Variants in ESRRG observed in about 807,000 individuals in gnomAD.
The protein encoded by ESRRG is estrogen related receptor gamma, also known as estrogen-related receptor gamma.
A neutral mutation model predicts 44.0 loss-of-function variants in ESRRG; 13 were observed. The ratio of observed to expected loss-of-function variants is 0.30; its 90% CI spans 0.19 to 0.47. The LOEUF is 0.47. Among genes scored for constraint, ESRRG ranks in the 20% least tolerant of loss-of-function variants. The pLI is 1.00. For missense variants in ESRRG, 395 were observed against 580.6 expected, an observed-to-expected ratio of 0.68 and a Z score of 3.29; for synonymous variants, 215 against 214.6, an observed-to-expected ratio of 1.00 and a Z score of -0.02.
intron 1 of ESRRG, among the ~76,000 whole-genome samples, chr1:216,696,929 G>C (rs1221075133): frequency 2.0e-5 from 3 of 151,572 alleles, no homozygotes; most frequent in South Asian, 2.1e-4. Context: ...AAAGCATTAT[G>C]CAAAATTAAA....
intron 1 of ESRRG, among the ~76,000 whole-genome samples, chr1:216,699,732 G>C (rs1461050153): frequency 6.6e-6 from 1 of 152,126 alleles, no homozygotes; most frequent in African/African-American, 2.4e-5. Context: ...TGCAACAAAA[G>C]CTGGAAAACC....
intron 1 of ESRRG, among the ~76,000 whole-genome samples, chr1:217,037,150 C>G (rs1294087886): frequency 6.6e-6 from 1 of 152,220 alleles, no homozygotes; most frequent in Non-Finnish European, 1.5e-5. Flanking sequence ...AGATTCCTCT[C>G]TAATACCAAG....
At chr1:216,532,141 A>G (rs1446649877) in intron 5 of ESRRG, among the ~76,000 whole-genome samples, 2 of 152,080 alleles carry the variant, frequency 1.3e-5, no homozygotes, top group African/African-American at 4.8e-5. Context: ...GAAAAAAAAA[A>G]AAAGCTGCCT....
chr1:216,891,661 TC>T, intron 2 of ESRRG, among the ~76,000 whole-genome samples: 1 of 152,176 alleles, frequency 6.6e-6, no homozygotes, highest in East Asian at 1.9e-4. Context: ...AGGTATACTG[TC>T]AATAAAGTTT....
intron 1 of ESRRG, among the ~76,000 whole-genome samples, chr1:217,013,486 T>G (rs1031109731): frequency 1.3e-5 from 2 of 152,228 alleles, no homozygotes; most frequent in Non-Finnish European, 2.9e-5. Flanking sequence ...GTAAACTCAA[T>G]ACATTACAGC....
intron 5 of ESRRG, among the ~76,000 whole-genome samples, chr1:216,547,213 G>A (rs569014671): frequency 3.4e-4 from 52 of 151,658 alleles, no homozygotes; most frequent in African/African-American, 1.1e-3. Flanking sequence ...CTGGCACCTA[G>A]CAAGAGCTCA....
At chr1:216,637,793 T>C (rs1334694860) in intron 3 of ESRRG, among the ~76,000 whole-genome samples, 1 of 152,174 alleles carries the variant, frequency 6.6e-6, no homozygotes, top group African/African-American at 2.4e-5. Context: ...TTTCTCCTTT[T>C]TTTGGATACC....
At chr1:216,845,562 C>T (rs917436901) in intron 2 of ESRRG, among the ~76,000 whole-genome samples, 11 of 152,122 alleles carry the variant, frequency 7.2e-5, no homozygotes, top group African/African-American at 2.7e-4. Flanking sequence ...AAGCTGTGCC[C>T]CCATCTCTCC....
intron 1 of ESRRG, among the ~76,000 whole-genome samples, chr1:216,962,627 T>C (rs1172701845): frequency 1.3e-5 from 2 of 152,154 alleles, no homozygotes; most frequent in African/African-American, 4.8e-5. Flanking sequence ...TAAAATTCAC[T>C]GCTAGGCTAA....
chr1:216,971,313 G>C (rs2071608363), intron 1 of ESRRG, among the ~76,000 whole-genome samples: 1 of 152,312 alleles, frequency 6.6e-6, no homozygotes, highest in East Asian at 1.9e-4. Flanking sequence ...CTGCAGAATG[G>C]AGGGAGAGCA....
At position 216,881,599 on chromosome 1, in the gene ESRRG, T is replaced by C. The variant is rs1343773339; in HGVS notation, c.-14+57983A>G. Among the ~76,000 whole-genome samples, 8 of 152,172 alleles carry C rather than the reference T, an allele frequency of 5.3e-5. No individual in the cohort carries two copies. In the South Asian group the frequency reaches 1.5e-3, roughly 28 times the overall value. On this transcript the variant is annotated intron_variant, in intron 2 of 7. Coordinates refer to the ESRRG transcript ENST00000359162. ...TATGTATCTAGGGTTCCCATCACCATCCTTGCCTACCCTTCTGTTGCTACC... is the reference window on the plus strand; with the variant it reads ...TATGTATCTAGGGTTCCCATCACCACCCTTGCCTACCCTTCTGTTGCTACC...
chr1:216,875,637 T>C (rs1032252825), intron 2 of ESRRG, among the ~76,000 whole-genome samples: 2 of 151,968 alleles, frequency 1.3e-5, no homozygotes, highest in African/African-American at 4.8e-5. Context: ...ATTTATATTA[T>C]ATTTATTTAT....
At position 216,660,966 on chromosome 1, in the gene ESRRG, GA is replaced by G. The variant is rs35391200; in HGVS notation, c.473-9878del. ...AAAATAATGTTCTTGTTCCTGATGG[GA>G]AAAAAAAAGTAATCCATAATCATGA... On this transcript the variant is annotated intron_variant, in intron 2 of 6. Coordinates refer to ENST00000408911, the MANE Select transcript of ESRRG (RefSeq NM_001438.4). 2.6e-3 allele frequency among the ~76,000 whole-genome samples: 395 copies of G among 150,594 alleles called. 3 individuals are homozygous for G. The highest frequency in any genetic ancestry group is 9.1e-3 in the African/African-American group (376 of 41,112).
At chr1:216,654,072 A>G (rs2069742676) in intron 2 of ESRRG, among the ~76,000 whole-genome samples, 2 of 151,798 alleles carry the variant, frequency 1.3e-5, no homozygotes, top group South Asian at 4.2e-4. Flanking sequence ...TCAGTGAGCC[A>G]AGATCATGCC....
At chr1:216,770,796 T>C (rs2093349198) in intron 2 of ESRRG, among the ~76,000 whole-genome samples, 1 of 152,086 alleles carries the variant, frequency 6.6e-6, no homozygotes, top group Admixed American at 6.6e-5. Context: ...AAGCTGATAG[T>C]AGATTCACTG....
At chr1:217,082,871 G>A (rs1025935911) in intron 1 of ESRRG, among the ~76,000 whole-genome samples, 1 of 152,150 alleles carries the variant, frequency 6.6e-6, no homozygotes, top group East Asian at 1.9e-4. Context: ...CAGTATATCA[G>A]GGAAAGAAAA....
intron 2 of ESRRG, among the ~76,000 whole-genome samples, chr1:216,880,895 T>C (rs910664530): frequency 6.6e-6 from 1 of 152,166 alleles, no homozygotes; most frequent in Non-Finnish European, 1.5e-5. Flanking sequence ...CCACTATTAC[T>C]GAAAACACAC....
intron 1 of ESRRG, among the ~76,000 whole-genome samples, chr1:217,066,255 CTT>C (rs68151743): frequency 3.8e-5 from 5 of 132,500 alleles, no homozygotes; most frequent in African/African-American, 8.4e-5. Flanking sequence ...TTTTTCTTTT[CTT>C]TTTTTTTTTT....
At chr1:217,092,293 C>T (rs1302455877), upstream of ESRRG, among the ~76,000 whole-genome samples, 1 of 152,150 alleles carries the variant, frequency 6.6e-6, no homozygotes, top group African/African-American at 2.4e-5. Flanking sequence ...CCCAACCAAA[C>T]CAAAGGGCAT....
Sources: gnomAD v4.1 joint callset for allele counts (sites outside exome capture counted in the v4.1 genomes callset) on GRCh38, gnomAD v4.1.1 for gene constraint, MANE v1.5 for transcripts, NCBI Gene and HGNC (gene_info 2026-07-23, HGNC 2026-07-21) for gene names.